Variants in ALMS1 observed in about 807,000 individuals in gnomAD.
The protein encoded by ALMS1 is ALMS1 centrosome and basal body associated protein.
ALMS1 carries 271 observed loss-of-function variants against 352.2 expected under a neutral mutation model. That is an observed-to-expected ratio of 0.77 (90% CI 0.70 to 0.85). The LOEUF is 0.85. Among genes scored for constraint, ALMS1 ranks in the 40% least tolerant of loss-of-function variants. The pLI is 0.00. For missense variants in ALMS1, 5,445 were observed against 4,870.7 expected (o/e 1.12, Z -3.51); for synonymous variants, 1,865 against 1,761.2 (o/e 1.06, Z -1.48).
chr2:73,458,181 G>A (rs867066382), intron 9 of ALMS1: 3 of 151,920 alleles, frequency 2.0e-5, no homozygotes, highest in Non-Finnish European at 2.9e-5. Context: ...GAGTAGTTGC[G>A]AAATAGTGTT....
intron 12 of ALMS1, among the ~76,000 whole-genome samples, chr2:73,545,781 GAGAA>G (rs1338635926): frequency 6.6e-6 from 1 of 152,174 alleles, no homozygotes; most frequent in Non-Finnish European, 1.5e-5. Context: ...CAAAAGAGGA[GAGAA>G]AGAATTTTAA....
rs776202337 is a variant in ALMS1, at chr2:73,520,013, G to A, written c.9778G>A (p.Asp3260Asn). ...VQQVTFSRGT[D>N]GQPLLLPYKP... Reference sequence around the variant, plus strand: ...ACAGGTTACTTTTTCTCGCGGCACAGATGGTAAGAGAATGTGATTGCATTT... The same window carrying A: ...ACAGGTTACTTTTTCTCGCGGCACAAATGGTAAGAGAATGTGATTGCATTT... The change falls in exon 11 of 23, where the codon GAT becomes AAT. Residue 3260 changes from aspartate (D) to asparagine (N), a missense_variant. Transcript: ENST00000613296. 4.3e-6 allele frequency: 7 copies of A among 1,614,110 alleles called. No homozygotes were observed. The highest frequency in any genetic ancestry group is 1.7e-5 in the Admixed American group (1 of 60,018).
At chr2:73,472,457 C>T (rs1178739510) in intron 9 of ALMS1, among the ~76,000 whole-genome samples, 1 of 151,940 alleles carries the variant, frequency 6.6e-6, no homozygotes, top group African/African-American at 2.4e-5. Context: ...TAATCAAAGT[C>T]AAATACTTTT....
intron 7 of ALMS1, among the ~76,000 whole-genome samples, chr2:73,438,898 T>G (rs1671658870): frequency 6.6e-6 from 1 of 152,178 alleles, no homozygotes; most frequent in South Asian, 2.1e-4. Context: ...TCCTTTACAA[T>G]TATGTAAGAA....
intron 10 of ALMS1, among the ~76,000 whole-genome samples, chr2:73,517,589 A>G (rs1038276822): frequency 2.0e-5 from 3 of 151,956 alleles, no homozygotes; most frequent in Non-Finnish European, 4.4e-5. Flanking sequence ...AGAAACACGT[A>G]TAGTAGAGTT....
chr2:73,580,536 C>T (rs977294296), intron 16 of ALMS1, among the ~76,000 whole-genome samples: 6 of 152,140 alleles, frequency 3.9e-5, no homozygotes, highest in Non-Finnish European at 8.8e-5. Flanking sequence ...AAGCTTTTGC[C>T]TAGTAAGTCT....
intron 16 of ALMS1, among the ~76,000 whole-genome samples, chr2:73,590,430 TA>T (rs923149775): frequency 1.2e-4 from 18 of 152,212 alleles, no homozygotes; most frequent in African/African-American, 4.3e-4. Flanking sequence ...AGAAGTTTTA[TA>T]AGTAAGCCCA....
intron 13 of ALMS1, among the ~76,000 whole-genome samples, chr2:73,556,888 G>A (rs1674557359): frequency 6.6e-6 from 1 of 152,118 alleles, no homozygotes; most frequent in East Asian, 1.9e-4. Flanking sequence ...TTATAGTAGA[G>A]TTGGGGTTTC....
intron 13 of ALMS1, among the ~76,000 whole-genome samples, chr2:73,555,568 G>A (rs968331603): frequency 1.5e-4 from 23 of 152,016 alleles, no homozygotes; most frequent in African/African-American, 4.1e-4. Context: ...ATCAGGACAC[G>A]CAAAGCACCT....
intron 12 of ALMS1, among the ~76,000 whole-genome samples, chr2:73,538,746 C>G (rs143869217): frequency 3.3e-5 from 5 of 152,228 alleles, no homozygotes; most frequent in Non-Finnish European, 7.3e-5. Flanking sequence ...TATCCCGCAC[C>G]TGGCTCGGAG....
At chr2:73,533,697 A>C (rs1558684036) in intron 11 of ALMS1, among the ~76,000 whole-genome samples, 1 of 152,178 alleles carries the variant, frequency 6.6e-6, no homozygotes, top group Non-Finnish European at 1.5e-5. Flanking sequence ...CCAATCATGA[A>C]AGAAAAACTA....
At chr2:73,495,220 ATTGTTGTTG>A (rs564873430) in intron 10 of ALMS1, among the ~76,000 whole-genome samples, 1 of 151,466 alleles carries the variant, frequency 6.6e-6, no homozygotes, top group African/African-American at 2.4e-5. Flanking sequence ...CCCTCTTTTT[ATTGTTGTTG>A]TTGTTGTTGT....
At chr2:73,516,013 G>A (rs192984408) in intron 10 of ALMS1, among the ~76,000 whole-genome samples, 5 of 152,026 alleles carry the variant, frequency 3.3e-5, no homozygotes, top group Admixed American at 1.3e-4. Flanking sequence ...AATGAACAAC[G>A]TACAGAATGG....
At chr2:73,501,703 G>GT (rs1452927607) in intron 10 of ALMS1, among the ~76,000 whole-genome samples, 9 of 152,022 alleles carry the variant, frequency 5.9e-5, no homozygotes, top group Middle Eastern at 3.2e-3. Flanking sequence ...TAGCTTTATA[G>GT]TAAGTCTTGA....
At chr2:73,605,489 T>G (rs1394752029) in intron 21 of ALMS1, among the ~76,000 whole-genome samples, 2 of 152,242 alleles carry the variant, frequency 1.3e-5, no homozygotes, top group African/African-American at 4.8e-5. Context: ...TGGATTTTTA[T>G]GTAACAGAAT....
Position 73,573,017 on chromosome 2 carries a change from A to G in ALMS1, c.11140A>G (p.Ile3714Val), listed in dbSNP as rs370536187. The change falls in exon 16 of 23, where the codon ATT (isoleucine) becomes GTT (valine). Residue 3714 changes from isoleucine to valine, a missense_variant. Ile to Val is a conservative substitution (Grantham distance 29). Transcript: ENST00000613296. The part of the protein sequence containing the change: ...GRSNQIKIEQ[I>V]KFDKYILSKQ... ...GTCTAATCAAATTAAAATTGAACAG[A>G]TTAAATTTGATAAATATATTCTGAG... is the stretch of plus-strand genomic sequence containing the variant. The G allele has an allele frequency of 9.3e-6, 15 of 1,614,074 alleles. No individual in the cohort carries two copies. The highest frequency in any genetic ancestry group is 1.7e-5 in the Admixed American group (1 of 59,978).
chr2:73,494,380 C>T (rs1167709088), intron 10 of ALMS1, among the ~76,000 whole-genome samples: 1 of 152,200 alleles, frequency 6.6e-6, no homozygotes, highest in East Asian at 1.9e-4. Flanking sequence ...TTTATGTTAA[C>T]ATCTTACCGT....
intron 10 of ALMS1, among the ~76,000 whole-genome samples, chr2:73,506,885 G>A (rs1673339212): frequency 6.6e-6 from 1 of 152,158 alleles, no homozygotes; most frequent in South Asian, 2.1e-4. Context: ...TCCAGCTTTT[G>A]CCCATTCAGT....
At position 73,426,578 on chromosome 2, in the gene ALMS1, G is replaced by A. The variant is rs770388236; in HGVS notation, c.1338+25G>A. ...GGTGAGACACAATAAAATGATAGTT[G>A]TAAGAAACGTGGCCTTTTTCAGTAT... is the stretch of plus-strand genomic sequence containing the variant. On this transcript the variant is annotated intron_variant, in intron 6 of 22. Transcript: ENST00000613296. 2.5e-6 allele frequency: 4 copies of A among 1,604,448 alleles called. No homozygotes were observed. The African/African-American group carries it at 4.0e-5, about 16-fold the overall frequency.
Sources: allele counts gnomAD v4.1 joint callset (sites outside exome capture counted in the v4.1 genomes callset), GRCh38; gene constraint gnomAD v4.1.1; transcripts MANE v1.5; gene names NCBI Gene and HGNC (gene_info 2026-07-23, HGNC 2026-07-21).